The following ST6GALNAC3 variants were observed in gnomAD, a reference collection of about 807,000 sequenced individuals.
ST6GALNAC3 encodes alpha-N-acetylgalactosaminide alpha-2,6-sialyltransferase 3.
In ST6GALNAC3, 25 loss-of-function variants were observed where a neutral mutation model predicts 32.7. The ratio of observed to expected loss-of-function variants is 0.76; its 90% CI spans 0.56 to 1.07. ST6GALNAC3 has a LOEUF of 1.07. Ranked by LOEUF, ST6GALNAC3 falls within the 50% of genes least tolerant of loss-of-function variation. The pLI is 0.00. For synonymous variants in ST6GALNAC3, 129 were observed against 133.1 expected, an observed-to-expected ratio of 0.97 and a Z score of 0.21; for missense variants, 355 against 382.4, an observed-to-expected ratio of 0.93 and a Z score of 0.60.
intron 2 of ST6GALNAC3, among the ~76,000 whole-genome samples, chr1:76,392,778 G>C (rs1043168622): frequency 9.2e-5 from 14 of 152,172 alleles, no homozygotes; most frequent in Admixed American, 7.2e-4. Context: ...AGGGTCAACT[G>C]GCCAAAAATA....
At chr1:76,110,238 C>A (rs1647827455) in intron 1 of ST6GALNAC3, among the ~76,000 whole-genome samples, 1 of 152,200 alleles carries the variant, frequency 6.6e-6, no homozygotes, top group Non-Finnish European at 1.5e-5. Flanking sequence ...AGGTCTTGGT[C>A]ACCTATACCT....
chr1:76,248,975 C>T (rs1224086438), intron 1 of ST6GALNAC3, among the ~76,000 whole-genome samples: 2 of 152,190 alleles, frequency 1.3e-5, no homozygotes, highest in Admixed American at 6.5e-5. Flanking sequence ...TTTCAAGATA[C>T]TCTTTAGACT....
intron 1 of ST6GALNAC3, among the ~76,000 whole-genome samples, chr1:76,282,019 T>C (rs1281286583): frequency 2.0e-5 from 3 of 152,088 alleles, no homozygotes; most frequent in South Asian, 2.1e-4. Flanking sequence ...GCATGAAAAA[T>C]AGACTTTTAA....
intron 1 of ST6GALNAC3, among the ~76,000 whole-genome samples, chr1:76,277,891 C>T (rs1659260601): frequency 6.6e-6 from 1 of 152,018 alleles, no homozygotes; most frequent in Admixed American, 6.6e-5. Context: ...CCACTAGCTT[C>T]TATACATTTA....
At chr1:76,328,308 G>A (rs566930795) in intron 2 of ST6GALNAC3, among the ~76,000 whole-genome samples, 4 of 152,324 alleles carry the variant, frequency 2.6e-5, no homozygotes, top group African/African-American at 7.2e-5. Flanking sequence ...CTTCACGAAT[G>A]AGAAGTAGAG....
chr1:76,520,911 TGTTA>T (rs1284869421), intron 3 of ST6GALNAC3, among the ~76,000 whole-genome samples: 1 of 152,196 alleles, frequency 6.6e-6, no homozygotes, highest in African/African-American at 2.4e-5. Context: ...TTATTTTGTT[TGTTA>T]ATGTACTTAT....
chr1:76,229,854 G>A (rs977366773), intron 1 of ST6GALNAC3, among the ~76,000 whole-genome samples: 4 of 152,188 alleles, frequency 2.6e-5, no homozygotes, highest in Admixed American at 2.0e-4. Flanking sequence ...ACCATCTCAC[G>A]GTGAACCCCA....
intron 1 of ST6GALNAC3, among the ~76,000 whole-genome samples, chr1:76,104,940 A>G (rs1188735142): frequency 6.6e-6 from 1 of 151,962 alleles, no homozygotes; most frequent in Admixed American, 6.5e-5. Context: ...CACGGGAAAG[A>G]CCTACCTCCA....
intron 3 of ST6GALNAC3, among the ~76,000 whole-genome samples, chr1:76,564,787 G>C (rs191662735): frequency 2.0e-5 from 3 of 151,862 alleles, no homozygotes; most frequent in Non-Finnish European, 2.9e-5. Context: ...GGGTTTCACC[G>C]TTAGCCAGGA....
chr1:76,108,353 T>A lies in ST6GALNAC3; in HGVS notation c.18+33469T>A, dbSNP rs114210082. On this transcript the variant is annotated intron_variant, in intron 1 of 4. Transcript: ENST00000328299. ...ACAAAAATTCACAGAATACATAACATGGTTTTGCATGCAATTTGAAGGGAT... is the reference window on the plus strand; with the variant it reads ...ACAAAAATTCACAGAATACATAACAAGGTTTTGCATGCAATTTGAAGGGAT... 4.6e-3 allele frequency among the ~76,000 whole-genome samples: 700 copies of A among 152,292 alleles called. 9 individuals carry two copies. Among genetic ancestry groups the A allele is most frequent in the African/African-American group, 0.015 (634 of 41,558 alleles).
At chr1:76,457,040 G>A (rs1229729725) in intron 3 of ST6GALNAC3, among the ~76,000 whole-genome samples, 1 of 151,522 alleles carries the variant, frequency 6.6e-6, no homozygotes, top group Non-Finnish European at 1.5e-5. Context: ...AAAATCACAA[G>A]CATTCTTATA....
intron 1 of ST6GALNAC3, among the ~76,000 whole-genome samples, chr1:76,155,568 T>C (rs995269049): frequency 5.9e-5 from 9 of 151,664 alleles, no homozygotes; most frequent in African/African-American, 1.5e-4. Flanking sequence ...CCCGGGTTCA[T>C]GCCATTCTCC....
chr1:76,356,787 A>G (rs1417360095), intron 2 of ST6GALNAC3, among the ~76,000 whole-genome samples: 1 of 152,214 alleles, frequency 6.6e-6, no homozygotes, highest in Non-Finnish European at 1.5e-5. Flanking sequence ...GTGCCTGAGC[A>G]TAACGCAATG....
intron 3 of ST6GALNAC3, among the ~76,000 whole-genome samples, chr1:76,417,247 G>T (rs1253583964): frequency 2.0e-5 from 3 of 146,612 alleles, no homozygotes; most frequent in East Asian, 2.0e-4. Flanking sequence ...TTAATTCTAG[G>T]TTCATTGGTT....
At chr1:76,079,837 C>T (rs969269653) in intron 1 of ST6GALNAC3, among the ~76,000 whole-genome samples, 1 of 152,226 alleles carries the variant, frequency 6.6e-6, no homozygotes, top group South Asian at 2.1e-4. Flanking sequence ...TTGTTCAACT[C>T]CCACTTTAGA....
intron 1 of ST6GALNAC3, among the ~76,000 whole-genome samples, chr1:76,202,113 G>C (rs750446689): frequency 1.1e-4 from 16 of 152,090 alleles, no homozygotes; most frequent in African/African-American, 3.1e-4. Context: ...GGCTACAATC[G>C]GAAGGGTGGC....
At chr1:76,135,195 A>G (rs1421328724) in intron 1 of ST6GALNAC3, among the ~76,000 whole-genome samples, 1 of 152,174 alleles carries the variant, frequency 6.6e-6, no homozygotes, top group African/African-American at 2.4e-5. Flanking sequence ...AATAATAAAA[A>G]ACTTGCTAAT....
intron 3 of ST6GALNAC3, among the ~76,000 whole-genome samples, chr1:76,603,419 A>G (rs1161351460): frequency 1.3e-5 from 2 of 152,224 alleles, no homozygotes; most frequent in African/African-American, 4.8e-5. Flanking sequence ...ATAAGCATTA[A>G]CAGAGATGGA....
At chr1:76,526,829 C>T (rs1182038329) in intron 3 of ST6GALNAC3, among the ~76,000 whole-genome samples, 1 of 151,902 alleles carries the variant, frequency 6.6e-6, no homozygotes, top group East Asian at 1.9e-4. Flanking sequence ...CACTTTAGTT[C>T]CTAATTAAAC....
Sources: gnomAD v4.1 joint callset for allele counts (sites outside exome capture counted in the v4.1 genomes callset) on GRCh38, gnomAD v4.1.1 for gene constraint, MANE v1.5 for transcripts, NCBI Gene and HGNC (gene_info 2026-07-23, HGNC 2026-07-21) for gene names.